Variants in MGMT observed in about 807,000 individuals in gnomAD.
MGMT encodes the protein methylated-DNA--protein-cysteine methyltransferase.
A neutral mutation model predicts 15.9 loss-of-function variants in MGMT; 14 were observed. The ratio of observed to expected loss-of-function variants is 0.88; its 90% CI spans 0.58 to 1.37. MGMT has a LOEUF of 1.37. MGMT is among the 40% of genes most tolerant of loss of function. The pLI is 0.00. For synonymous variants in MGMT, 130 were observed against 118.2 expected (o/e 1.10, Z -0.65); for missense variants, 282 against 268.1 (o/e 1.05, Z -0.36).
intron 1 of MGMT, among the ~76,000 whole-genome samples, chr10:129,523,455 A>G (rs10764887): frequency 6.6e-6 from 1 of 152,002 alleles, no homozygotes; most frequent in African/African-American, 2.4e-5. Context: ...GTATGATTCA[A>G]TCGGGCATGA....
intron 2 of MGMT, among the ~76,000 whole-genome samples, chr10:129,632,390 G>T (rs963292712): frequency 5.3e-5 from 8 of 152,190 alleles, no homozygotes; most frequent in African/African-American, 1.9e-4. Context: ...TGAGGCCACT[G>T]AGTAGTGATC....
intron 2 of MGMT, among the ~76,000 whole-genome samples, chr10:129,539,690 T>C (rs571375335): frequency 6.6e-6 from 1 of 152,250 alleles, no homozygotes; most frequent in African/African-American, 2.4e-5. Flanking sequence ...GTATATTTAG[T>C]AGAGACAGGG....
chr10:129,665,684 G>GTGA (rs1847651381), intron 2 of MGMT, among the ~76,000 whole-genome samples: 1 of 152,172 alleles, frequency 6.6e-6, no homozygotes, highest in African/African-American at 2.4e-5. Flanking sequence ...CTTGATCTTA[G>GTGA]TGATGGTCAT....
Position 129,633,612 on chromosome 10 carries a change from A to T in MGMT, c.126-74283A>T, listed in dbSNP as rs79067121. Among the ~76,000 whole-genome samples the T allele has an allele frequency of 5.0e-3, 758 of 152,318 alleles. 5 individuals carry two copies. Among genetic ancestry groups the T allele is most frequent in the African/African-American group, 0.017 (719 of 41,576 alleles). On this transcript the variant is annotated intron_variant, in intron 2 of 4. Coordinates refer to ENST00000651593, the MANE Select transcript of MGMT (RefSeq NM_002412.5). The stretch of plus-strand genomic sequence containing the variant: ...TTTACTTATTTTTAAAATTTAAGCA[A>T]TACAGGAAAGCAAAAGAAATAACAA...
At chr10:129,618,769 T>TCAATATAAATATA (rs751344882) in intron 2 of MGMT, among the ~76,000 whole-genome samples, 1 of 150,298 alleles carries the variant, frequency 6.7e-6, no homozygotes, top group Admixed American at 6.6e-5. Context: ...ATGCTATATT[T>TCAATATAAATATA]TTAGTTTCAA....
chr10:129,534,873 G>A (rs949439230), intron 1 of MGMT, among the ~76,000 whole-genome samples: 1 of 152,084 alleles, frequency 6.6e-6, no homozygotes, highest in African/African-American at 2.4e-5. Context: ...GGGTCCGCAG[G>A]CCTTTTCTGT....
intron 1 of MGMT, among the ~76,000 whole-genome samples, chr10:129,482,517 G>A (rs1845369402): frequency 6.6e-6 from 1 of 152,126 alleles, no homozygotes; most frequent in Admixed American, 6.5e-5. Context: ...CTCCAGCTAT[G>A]ATTGGAGACT....
At chr10:129,484,447 T>G (rs554685369) in intron 1 of MGMT, among the ~76,000 whole-genome samples, 1 of 152,392 alleles carries the variant, frequency 6.6e-6, no homozygotes, top group African/African-American at 2.4e-5. Flanking sequence ...CATCTCTATA[T>G]GCTCCATATG....
In MGMT at chr10:129,467,269, C is replaced by T. The variant is rs754520200; in HGVS notation, c.-40C>T. ...GCTTTGCGTCCCGACGCCCGCAGGT[C>T]CTCGCGGTGCGCACCGTTTGCGACT... On this transcript the variant is annotated 5_prime_UTR_variant, in exon 1 of 5. Transcript: ENST00000651593. 2.1e-5 allele frequency: 32 copies of T among 1,543,918 alleles called. No individual in the cohort carries two copies. The highest frequency in any genetic ancestry group is 1.1e-4 in the African/African-American group (8 of 72,298).
chr10:129,575,145 G>T (rs1034186396), intron 2 of MGMT, among the ~76,000 whole-genome samples: 18 of 152,202 alleles, frequency 1.2e-4, no homozygotes, highest in African/African-American at 3.1e-4. Context: ...AGTTAACAAG[G>T]ATACCCAGGA....
chr10:129,601,178 T>G (rs962809706), intron 2 of MGMT, among the ~76,000 whole-genome samples: 2 of 152,110 alleles, frequency 1.3e-5, no homozygotes, highest in African/African-American at 4.8e-5. Context: ...GATTAAACCT[T>G]TATGACTAAA....
At chr10:129,753,499 A>G (rs1244364291) in intron 3 of MGMT, among the ~76,000 whole-genome samples, 1 of 151,890 alleles carries the variant, frequency 6.6e-6, no homozygotes, top group Non-Finnish European at 1.5e-5. Flanking sequence ...CTTTTTGTCT[A>G]TTTTAAATAC....
At chr10:129,553,051 G>A (rs1474375317) in intron 2 of MGMT, among the ~76,000 whole-genome samples, 6 of 152,158 alleles carry the variant, frequency 3.9e-5, no homozygotes, top group Non-Finnish European at 8.8e-5. Context: ...GATCCACCAC[G>A]ATGTCTCCTC....
chr10:129,520,878 A>G (rs970019003), intron 1 of MGMT, among the ~76,000 whole-genome samples: 16 of 149,344 alleles, frequency 1.1e-4, no homozygotes, highest in South Asian at 2.1e-4. Flanking sequence ...CAGAGCCCCT[A>G]CAGTGCGGGT....
At chr10:129,713,935 C>G (rs1848262649) in intron 3 of MGMT, among the ~76,000 whole-genome samples, 1 of 152,232 alleles carries the variant, frequency 6.6e-6, no homozygotes, top group Non-Finnish European at 1.5e-5. Context: ...TGATGCTGTT[C>G]CCTTCCCAGT....
chr10:129,671,916 A>C (rs1364652295), intron 2 of MGMT, among the ~76,000 whole-genome samples: 4 of 152,238 alleles, frequency 2.6e-5, no homozygotes, highest in Non-Finnish European at 5.9e-5. Flanking sequence ...ATGCTATAAG[A>C]ATCAGCTGGC....
chr10:129,707,702 T>G lies in MGMT; in HGVS notation c.126-193T>G, dbSNP rs199695991. On this transcript the variant is annotated intron_variant, in intron 2 of 4. Coordinates refer to ENST00000651593, the MANE Select transcript of MGMT (RefSeq NM_002412.5). ...ACACACGTCCTGGGAGGCCTGAAGG[T>G]GGAGAGTGGTTGCGGGGCCTCGGTG... Among the ~76,000 whole-genome samples, 12 of 152,198 alleles carry G rather than the reference T, an allele frequency of 7.9e-5. No individual in the cohort carries two copies. The East Asian group carries it at 2.3e-3, about 29-fold the overall frequency.
chr10:129,695,547 T>G (rs1564764195), intron 2 of MGMT, among the ~76,000 whole-genome samples: 2 of 152,216 alleles, frequency 1.3e-5, no homozygotes, highest in East Asian at 3.8e-4. Context: ...TAAATTTAAA[T>G]TACGATATAT....
intron 3 of MGMT, among the ~76,000 whole-genome samples, chr10:129,728,742 C>A (rs1848462008): frequency 6.6e-6 from 1 of 151,552 alleles, no homozygotes; most frequent in Admixed American, 6.6e-5. Context: ...TGCCCCACCA[C>A]CCCCTGTTCT....
Sources: gnomAD v4.1 joint callset for allele counts (sites outside exome capture counted in the v4.1 genomes callset) on GRCh38, gnomAD v4.1.1 for gene constraint, MANE v1.5 for transcripts, NCBI Gene and HGNC (gene_info 2026-07-23, HGNC 2026-07-21) for gene names.